DNM3: variants seen among roughly 807,000 people sequenced by gnomAD.
DNM3 encodes the protein dynamin 3, also known as dynamin-3.
Under a neutral mutation model 101.6 loss-of-function variants are expected in DNM3, and 47 were observed. That is an observed-to-expected ratio of 0.46 (90% CI 0.37 to 0.59). The LOEUF is 0.59. Ranked by LOEUF, DNM3 falls within the 20% of genes least tolerant of loss-of-function variation. The probability of loss-of-function intolerance (pLI) is 0.00; values close to 1 mark genes in which losing one functional copy is unlikely to be tolerated. For synonymous variants in DNM3, 385 were observed against 387.9 expected (o/e 0.99, Z 0.09); for missense variants, 849 against 1,085.7 (o/e 0.78, Z 3.06).
At chr1:171,917,426 G>A (rs756735062) in intron 1 of DNM3, among the ~76,000 whole-genome samples, 11 of 152,168 alleles carry the variant, frequency 7.2e-5, no homozygotes, top group Non-Finnish European at 1.3e-4. Context: ...CATCAAGGTG[G>A]TTCTTAAACT....
At chr1:172,297,867 T>G (rs1334698630) in intron 15 of DNM3, among the ~76,000 whole-genome samples, 3 of 152,104 alleles carry the variant, frequency 2.0e-5, no homozygotes, top group Non-Finnish European at 4.4e-5. Context: ...CAGGGAAAGC[T>G]TCTTTTTAAA....
chr1:172,195,776 G>A lies in DNM3; in HGVS notation c.1660-57797G>A, dbSNP rs1445287391. ...GCATACCTGGAATAAATCTCACTTG[G>A]TTATGATGTGTAATTCTTTTTATGT... On this transcript the variant is annotated intron_variant, in intron 14 of 20. Transcript: ENST00000627582. Among the ~76,000 whole-genome samples the A allele has an allele frequency of 4.0e-5, 6 of 151,796 alleles. No homozygotes were observed. In the South Asian group the frequency reaches 1.0e-3, roughly 26 times the overall value.
chr1:172,044,511 T>A, intron 9 of DNM3, 59 bp downstream of exon 9: 1 of 1,410,524 alleles, frequency 7.1e-7, no homozygotes, highest in Non-Finnish European at 9.8e-7. Flanking sequence ...AATTAATGTT[T>A]ATAAATGGCT....
intron 14 of DNM3, among the ~76,000 whole-genome samples, chr1:172,180,692 A>G (rs1338132391): frequency 1.3e-5 from 2 of 152,152 alleles, no homozygotes; most frequent in East Asian, 3.9e-4. Flanking sequence ...CATGTTTCCA[A>G]TAGCTGTTTT....
At chr1:172,272,079 G>A (rs1022822683) in intron 15 of DNM3, among the ~76,000 whole-genome samples, 35 of 152,102 alleles carry the variant, frequency 2.3e-4, no homozygotes, top group Non-Finnish European at 5.9e-5. Flanking sequence ...TTTTAGTAAC[G>A]ATAGATTGTT....
At chr1:172,138,756 A>G (rs1426103443) in intron 14 of DNM3, 1 of 353,102 alleles carries the variant, frequency 2.8e-6, no homozygotes, top group Non-Finnish European at 5.8e-6. Flanking sequence ...TGTAGATGCT[A>G]TGGTGTGAGG....
chr1:171,989,593 A>T (rs1268347612), intron 4 of DNM3, among the ~76,000 whole-genome samples: 1 of 152,150 alleles, frequency 6.6e-6, no homozygotes, highest in African/African-American at 2.4e-5. Context: ...AATGCATGTA[A>T]GATATTATTT....
chr1:171,883,759 C>T (rs1056849358), intron 1 of DNM3, among the ~76,000 whole-genome samples: 18 of 152,090 alleles, frequency 1.2e-4, no homozygotes, highest in African/African-American at 3.4e-4. Context: ...CATGAGCCAC[C>T]GCACCCAGCC....
chr1:172,181,863 C>A (rs1311392447), intron 14 of DNM3, among the ~76,000 whole-genome samples: 1 of 148,966 alleles, frequency 6.7e-6, no homozygotes, highest in Admixed American at 6.7e-5. Context: ...TGGTCTCTGA[C>A]TAAAACTGAA....
chr1:172,202,010 C>T (rs886365909), intron 14 of DNM3, among the ~76,000 whole-genome samples: 13 of 152,164 alleles, frequency 8.5e-5, no homozygotes, highest in African/African-American at 2.4e-4. Flanking sequence ...GTGTTGCTCC[C>T]GGGTGGGCCA....
intron 14 of DNM3, among the ~76,000 whole-genome samples, chr1:172,200,187 A>T (rs2148481054): frequency 6.6e-6 from 1 of 152,266 alleles, no homozygotes; most frequent in Admixed American, 6.5e-5. Flanking sequence ...CTGTATATGA[A>T]ATTCTTGGTT....
At chr1:171,995,597 T>C (rs1033148600) in intron 4 of DNM3, among the ~76,000 whole-genome samples, 7 of 152,148 alleles carry the variant, frequency 4.6e-5, no homozygotes, top group Admixed American at 2.6e-4. Flanking sequence ...ATTCTGGTCC[T>C]ATACAACTGT....
intron 13 of DNM3, among the ~76,000 whole-genome samples, chr1:172,096,879 G>A (rs1358451450): frequency 6.6e-6 from 1 of 152,222 alleles, no homozygotes; most frequent in Admixed American, 6.5e-5. Flanking sequence ...AGAGATATGG[G>A]AATTGGTGAG....
intron 15 of DNM3, among the ~76,000 whole-genome samples, chr1:172,288,431 T>G (rs2063781390): frequency 6.6e-6 from 1 of 152,206 alleles, no homozygotes; most frequent in Non-Finnish European, 1.5e-5. Flanking sequence ...AGATCATTTA[T>G]GATCCTACAG....
At chr1:172,165,895 A>G (rs2148317186) in intron 14 of DNM3, among the ~76,000 whole-genome samples, 1 of 152,166 alleles carries the variant, frequency 6.6e-6, no homozygotes, top group South Asian at 2.1e-4. Flanking sequence ...TTAATTAAGG[A>G]ATCCCACAAA....
intron 17 of DNM3, among the ~76,000 whole-genome samples, chr1:172,337,882 T>C (rs1205707773): frequency 8.2e-6 from 1 of 121,484 alleles, no homozygotes; most frequent in African/African-American, 3.3e-5. Flanking sequence ...TTTTATTTTA[T>C]TTTATTTTAT....
At chr1:172,132,558 A>G (rs1026281749) in intron 14 of DNM3, among the ~76,000 whole-genome samples, 1 of 152,170 alleles carries the variant, frequency 6.6e-6, no homozygotes, top group Non-Finnish European at 1.5e-5. Context: ...CCCTAGATGT[A>G]AAAATCACTA....
chr1:172,159,517 T>C (rs1375915148), intron 14 of DNM3, among the ~76,000 whole-genome samples: 1 of 152,108 alleles, frequency 6.6e-6, no homozygotes, highest in Non-Finnish European at 1.5e-5. Context: ...TGAGATCCAG[T>C]GCTAAGTTGA....
chr1:172,335,962 G>A (rs1187961597), intron 17 of DNM3, among the ~76,000 whole-genome samples: 1 of 152,122 alleles, frequency 6.6e-6, no homozygotes, highest in African/African-American at 2.4e-5. Context: ...AAGTCAAAAA[G>A]TCAAAAAAAG....
Sources: allele counts gnomAD v4.1 joint callset (sites outside exome capture counted in the v4.1 genomes callset), GRCh38; gene constraint gnomAD v4.1.1; transcripts MANE v1.5; gene names NCBI Gene and HGNC (gene_info 2026-07-23, HGNC 2026-07-21).